PLK1: variants seen among roughly 807,000 people sequenced by gnomAD.
PLK1 encodes polo like kinase 1.
Under a neutral mutation model 56.7 loss-of-function variants are expected in PLK1, and 6 were observed. The ratio of observed to expected loss-of-function variants is 0.11; its 90% CI spans 0.06 to 0.21. PLK1 has a LOEUF of 0.21. PLK1 is among the 10% of genes least tolerant of loss of function. PLK1 has a pLI of 1.00. For missense variants in PLK1, 546 were observed against 814.4 expected (o/e 0.67, Z 4.01); for synonymous variants, 298 against 325.0 (o/e 0.92, Z 0.89).
rs773170164 is a variant in PLK1 at position 23,690,306 on chromosome 16, T to C, written c.*243T>C. 2.4e-5 allele frequency: 14 copies of C among 583,884 alleles called. No individual in the cohort carries two copies. The highest frequency in any genetic ancestry group is 4.0e-5 in the Non-Finnish European group (13 of 325,262). 36.2% of individuals were successfully genotyped at this position (583,884 alleles called of 1,614,324 possible). ...CACCATATGAATTGTACAGAATATTTCTATTGAATTCGGAACTGTCCTTTC... is the reference window on the plus strand; with the variant it reads ...CACCATATGAATTGTACAGAATATTCCTATTGAATTCGGAACTGTCCTTTC... On this transcript the variant is annotated 3_prime_UTR_variant, in exon 10 of 10. Transcript: ENST00000300093.
chr16:23,681,830 A>T (rs530060412), intron 3 of PLK1, among the ~76,000 whole-genome samples: 7 of 152,302 alleles, frequency 4.6e-5, no homozygotes, highest in South Asian at 2.1e-4. Context: ...TAGCTAAAAA[A>T]TCACTGGCCC....
rs545597700 is a variant in PLK1, at chr16:23,685,714, A to G, written c.1036+1625A>G. On this transcript the variant is annotated intron_variant, in intron 5 of 9. Coordinates refer to ENST00000300093, the MANE Select transcript of PLK1 (RefSeq NM_005030.6). The stretch of plus-strand genomic sequence containing the variant: ...CAGAGCGAGACTCTGTCTCAAAAAA[A>G]AAAAAAAATTTTTTTTTTGTAAAGA... Among the ~76,000 whole-genome samples, 209 of 152,068 alleles carry G rather than the reference A, an allele frequency of 1.4e-3. 2 individuals are homozygous for G. Among genetic ancestry groups the G allele is most frequent in the African/African-American group, 4.6e-3 (191 of 41,480 alleles).
Sources: allele counts gnomAD v4.1 joint callset (sites outside exome capture counted in the v4.1 genomes callset), GRCh38; gene constraint gnomAD v4.1.1; transcripts MANE v1.5; gene names NCBI Gene and HGNC (gene_info 2026-07-23, HGNC 2026-07-21).